The following GRIK4 variants were observed in gnomAD, a reference collection of about 807,000 sequenced individuals.
The protein encoded by GRIK4 is glutamate ionotropic receptor kainate type subunit 4, also known as glutamate receptor ionotropic, kainate 4.
Under a neutral mutation model 104.9 loss-of-function variants are expected in GRIK4, and 40 were observed. The ratio of observed to expected loss-of-function variants is 0.38; its 90% confidence interval spans 0.30 to 0.50. The LOEUF (loss-of-function observed/expected upper bound fraction) is 0.50. Among genes scored for constraint, GRIK4 ranks in the 20% least tolerant of loss-of-function variants. The pLI is 0.93. For missense variants in GRIK4, 1,047 were observed against 1,308.1 expected, an observed-to-expected ratio of 0.80 and a Z score of 3.08; for synonymous variants, 485 against 524.9, an observed-to-expected ratio of 0.92 and a Z score of 1.04.
chr11:120,840,405 G>A (rs112986644), intron 8 of GRIK4, among the ~76,000 whole-genome samples: 2 of 152,292 alleles, frequency 1.3e-5, no homozygotes, highest in African/African-American at 4.8e-5. Flanking sequence ...CCCTGCTTCT[G>A]GTTCTAGTGG....
intron 1 of GRIK4, among the ~76,000 whole-genome samples, chr11:120,529,881 A>G (rs1020419096): frequency 1.3e-5 from 2 of 152,178 alleles, no homozygotes; most frequent in Non-Finnish European, 2.9e-5. Flanking sequence ...TGTTTTATAG[A>G]TGAGGAGACA....
intron 3 of GRIK4, among the ~76,000 whole-genome samples, chr11:120,694,764 C>T (rs74482798): frequency 1.3e-5 from 2 of 152,098 alleles, no homozygotes; most frequent in African/African-American, 4.8e-5. Flanking sequence ...GCCCACTTGA[C>T]CTGCAAGTGC....
intron 1 of GRIK4, among the ~76,000 whole-genome samples, chr11:120,611,866 C>T (rs1355694018): frequency 2.6e-5 from 4 of 152,188 alleles, no homozygotes; most frequent in African/African-American, 9.7e-5. Flanking sequence ...GGGATGAAGC[C>T]AGTGCGTGTG....
At position 120,549,011 on chromosome 11, in the gene GRIK4, G is replaced by A. The variant is rs964276993; in HGVS notation, c.-159+37124G>A. 5.3e-5 allele frequency among the ~76,000 whole-genome samples: 8 copies of A among 152,174 alleles called. No individual in the cohort carries two copies. The highest frequency in any genetic ancestry group is 1.0e-4 in the Non-Finnish European group (7 of 68,030). On this transcript the variant is annotated intron_variant, in intron 1 of 20. Coordinates refer to ENST00000527524, the MANE Select transcript of GRIK4 (RefSeq NM_014619.5). The surrounding 1 kb of genome is among the most constrained non-coding windows in gnomAD (Gnocchi z 4.7). ...AGGCAGGCCCAGGACACAGCACCTC[G>A]TGCATGACCAGGTTTCCCCTCTTCC... is the stretch of plus-strand genomic sequence containing the variant.
chr11:120,541,254 A>G (rs2253134), intron 1 of GRIK4, among the ~76,000 whole-genome samples: 1 of 152,112 alleles, frequency 6.6e-6, no homozygotes, highest in Non-Finnish European at 1.5e-5. Context: ...GAGCTGATTG[A>G]CCCCTCCTTT....
At chr11:120,731,120 G>T (rs186024295) in intron 3 of GRIK4, among the ~76,000 whole-genome samples, 1 of 152,074 alleles carries the variant, frequency 6.6e-6, no homozygotes, top group Non-Finnish European at 1.5e-5. Context: ...AGTGGGGATG[G>T]TGGGCATCCT....
chr11:120,949,216 A>G (rs1288646182), intron 14 of GRIK4, among the ~76,000 whole-genome samples: 1 of 152,024 alleles, frequency 6.6e-6, no homozygotes, highest in African/African-American at 2.4e-5. Context: ...AGCTCCATGG[A>G]CAGCCCCACT....
In GRIK4 at chr11:120,679,382, G is replaced by A. The variant is rs73584519; in HGVS notation, c.82+18982G>A. Among the ~76,000 whole-genome samples the A allele has an allele frequency of 1.5e-3, 223 of 152,286 alleles. 2 individuals are homozygous for A. Among genetic ancestry groups the A allele is most frequent in the African/African-American group, 5.0e-3 (209 of 41,564 alleles). ...AAAGAATGGAAAACCTAGTGCCCCC[G>A]GAGCCCAGGAAAGAGTATGGAGAAT... On this transcript the variant is annotated intron_variant, in intron 3 of 20. Transcript: ENST00000527524.
At chr11:120,802,312 A>G (rs532921203) in intron 3 of GRIK4, among the ~76,000 whole-genome samples, 2 of 152,114 alleles carry the variant, frequency 1.3e-5, no homozygotes, top group Non-Finnish European at 2.9e-5. Flanking sequence ...TGTTCAGAAT[A>G]CTATTTCAAA....
At chr11:120,654,579 T>C (rs777155266) in intron 2 of GRIK4, among the ~76,000 whole-genome samples, 27 of 152,104 alleles carry the variant, frequency 1.8e-4, no homozygotes, top group Admixed American at 4.6e-4. Context: ...GCCAGGCTGG[T>C]CTCAAACTCC....
intron 3 of GRIK4, among the ~76,000 whole-genome samples, chr11:120,796,888 AG>A (rs1952529467): frequency 6.6e-6 from 1 of 151,810 alleles, no homozygotes; most frequent in Non-Finnish European, 1.5e-5. Context: ...AAGGCGCTGC[AG>A]GGGGGAGGAG....
chr11:120,716,610 G>A (rs10892620), intron 3 of GRIK4, among the ~76,000 whole-genome samples: 105,356 of 152,006 alleles, frequency 0.69, 36,960 homozygotes, highest in African/African-American at 0.8. Flanking sequence ...GGTGCAAAGA[G>A]AACTAAGATG....
intron 3 of GRIK4, among the ~76,000 whole-genome samples, chr11:120,706,043 G>A (rs1950624359): frequency 2.0e-5 from 3 of 152,084 alleles, no homozygotes; most frequent in Admixed American, 1.3e-4. Flanking sequence ...TTCCAGCATC[G>A]GGCCTGCTCT....
chr11:120,683,695 A>G (rs955792358), intron 3 of GRIK4, among the ~76,000 whole-genome samples: 1 of 152,242 alleles, frequency 6.6e-6, no homozygotes, highest in Admixed American at 6.5e-5. Context: ...TAGTGAATGC[A>G]TAATGAACTG....
At chr11:120,900,597 C>T (rs11218051) in intron 12 of GRIK4, among the ~76,000 whole-genome samples, 35,078 of 151,940 alleles carry the variant, frequency 0.23, 5,665 homozygotes, top group African/African-American at 0.45. Flanking sequence ...GAGCTGGAGC[C>T]GGGAAGGGCC....
rs919952371 is a variant in GRIK4 at position 120,688,685 on chromosome 11, A to T, written c.82+28285A>T. On this transcript the variant is annotated intron_variant, in intron 3 of 20. Coordinates refer to ENST00000527524, the MANE Select transcript of GRIK4 (RefSeq NM_014619.5). ...TCAGCCCAGATAATCCAATATGGAG[A>T]TCTGCATGAGAGCCGAAAATAATTA... Among the ~76,000 whole-genome samples, 2 of 152,250 alleles carry T rather than the reference A, an allele frequency of 1.3e-5. 1 individual carries two copies. Among genetic ancestry groups the T allele is most frequent in the South Asian group, 4.1e-4 (2 of 4,832 alleles).
At chr11:120,963,607 A>G (rs1056557122) in intron 18 of GRIK4, among the ~76,000 whole-genome samples, 4 of 152,314 alleles carry the variant, frequency 2.6e-5, no homozygotes, top group African/African-American at 9.6e-5. Context: ...AGACTCTGGG[A>G]GAAAATTGGT....
chr11:120,956,653 A>G lies in GRIK4; in HGVS notation c.1701-127A>G. 1.9e-6 allele frequency: 1 copy of G among 528,624 alleles called. No individual in the cohort carries two copies. 32.7% of individuals were successfully genotyped at this position (528,624 alleles called of 1,614,324 possible). On this transcript the variant is annotated intron_variant, in intron 15 of 20. Coordinates refer to ENST00000527524, the MANE Select transcript of GRIK4 (RefSeq NM_014619.5). This position sits in a 1 kb window ranked among gnomAD's most constrained non-coding sequence, Gnocchi z 4.6. The stretch of plus-strand genomic sequence containing the variant: ...TTTTTGGTTGCGAAACTCCAAGTCC[A>G]GCAAAGGGAAGTGGCTTGCCCAAGG...
chr11:120,544,967 C>T (rs938905968), intron 1 of GRIK4, among the ~76,000 whole-genome samples: 2 of 152,194 alleles, frequency 1.3e-5, no homozygotes, highest in Admixed American at 6.5e-5. Flanking sequence ...GGTCCACTGT[C>T]ACAACAACCG....
Sources: gnomAD v4.1 joint callset for allele counts (sites outside exome capture counted in the v4.1 genomes callset) on GRCh38, gnomAD v4.1.1 for gene constraint, Gnocchi (gnomAD v3.1) non-coding constraint, MANE v1.5 for transcripts, NCBI Gene and HGNC (gene_info 2026-07-23, HGNC 2026-07-21) for gene names.